ATP1B3: variants seen among roughly 807,000 people sequenced by gnomAD.
The protein encoded by ATP1B3 is sodium/potassium-transporting ATPase subunit beta-3.
A neutral mutation model predicts 30.2 loss-of-function variants in ATP1B3; 10 were observed. The observed-to-expected ratio is 0.33, with a 90% confidence interval of 0.20 to 0.56. The LOEUF (loss-of-function observed/expected upper bound fraction) is 0.56, where lower values mean the gene tolerates loss of function less well. Among genes scored for constraint, ATP1B3 ranks in the 20% least tolerant of loss-of-function variants. ATP1B3 has a pLI of 0.90. For missense variants in ATP1B3, 238 were observed against 336.7 expected (o/e 0.71, Z 2.29); for synonymous variants, 113 against 117.0 (o/e 0.97, Z 0.22).
chr3:141,899,746 G>A (rs1335986562), intron 1 of ATP1B3, among the ~76,000 whole-genome samples: 38 of 152,174 alleles, frequency 2.5e-4, no homozygotes, highest in Non-Finnish European at 5.9e-5. Context: ...ACACATGCCT[G>A]TAATCCCAGC....
intron 1 of ATP1B3, chr3:141,902,951 C>A (rs1012352908): frequency 4.6e-5 from 7 of 152,070 alleles, no homozygotes; most frequent in African/African-American, 1.7e-4. Context: ...CACAAATTTG[C>A]ATGTCATCCT....
At chr3:141,922,371 G>A (rs919733701) in intron 6 of ATP1B3, among the ~76,000 whole-genome samples, 4 of 152,304 alleles carry the variant, frequency 2.6e-5, no homozygotes, top group African/African-American at 7.2e-5. Flanking sequence ...AGAAAATCAA[G>A]GCCGGGTGCG....
chr3:141,902,142 A>C, intron 1 of ATP1B3: 5 of 1,289,690 alleles, frequency 3.9e-6, no homozygotes, highest in Non-Finnish European at 5.1e-6. Context: ...ACAGGATCGC[A>C]GTATGTGGTA....
chr3:141,907,338 G>C (rs552371378), intron 3 of ATP1B3, 64 bp downstream of exon 3: 46 of 1,370,970 alleles, frequency 3.4e-5, no homozygotes, highest in Admixed American at 9.5e-5. Flanking sequence ...CCAAATTGTG[G>C]GCCGGGCACG....
intron 6 of ATP1B3, among the ~76,000 whole-genome samples, chr3:141,924,967 A>G (rs1301745389): frequency 1.3e-5 from 2 of 151,844 alleles, no homozygotes; most frequent in Non-Finnish European, 2.9e-5. Flanking sequence ...AAAAATTAAT[A>G]ATAATAATGA....
intron 1 of ATP1B3, among the ~76,000 whole-genome samples, chr3:141,898,476 G>C (rs1184681489): frequency 6.6e-6 from 1 of 152,098 alleles, no homozygotes; most frequent in Non-Finnish European, 1.5e-5. Flanking sequence ...AAAATATACA[G>C]ATAACCAATG....
chr3:141,911,335 T>C (rs1198614089), intron 3 of ATP1B3, among the ~76,000 whole-genome samples: 1 of 152,172 alleles, frequency 6.6e-6, no homozygotes, highest in Non-Finnish European at 1.5e-5. Flanking sequence ...CCTTATGCCC[T>C]CCTTTTTCAT....
At chr3:141,925,333 T>C (rs4683650) in intron 6 of ATP1B3, among the ~76,000 whole-genome samples, 198 bp from the exon 7 acceptor site, 119,182 of 151,996 alleles carry the variant, frequency 0.78, 47,456 homozygotes, top group African/African-American at 0.94. Flanking sequence ...TGTGGCGGCA[T>C]GTGCCTATAG....
chr3:141,922,180 T>A (rs1934574899), intron 6 of ATP1B3, 117 bp downstream of exon 6: 1 of 601,760 alleles, frequency 1.7e-6, no homozygotes, highest in Non-Finnish European at 2.9e-6. Flanking sequence ...GTGCGTCATC[T>A]ATTCAGGTTT....
chr3:141,878,632 A>T (rs528152451), intron 1 of ATP1B3, among the ~76,000 whole-genome samples: 1 of 152,238 alleles, frequency 6.6e-6, no homozygotes, highest in Non-Finnish European at 1.5e-5. Flanking sequence ...GAGTCAATGC[A>T]TTTAAATAGA....
chr3:141,919,897 C>T (rs1934536750), intron 5 of ATP1B3, among the ~76,000 whole-genome samples: 1 of 151,998 alleles, frequency 6.6e-6, no homozygotes, highest in South Asian at 2.1e-4. Context: ...CATGATCGCG[C>T]CACTCCACTC....
At chr3:141,911,716 A>G (rs926371141) in intron 3 of ATP1B3, among the ~76,000 whole-genome samples, 5 of 152,132 alleles carry the variant, frequency 3.3e-5, no homozygotes, top group African/African-American at 1.2e-4. Flanking sequence ...GCTGGCCTCA[A>G]ACTCCTAGCC....
chr3:141,923,288 A>G (rs1934599134), intron 6 of ATP1B3, among the ~76,000 whole-genome samples: 2 of 152,152 alleles, frequency 1.3e-5, no homozygotes, highest in East Asian at 3.9e-4. Context: ...AAAAAAAAAA[A>G]AAATAGGTTA....
chr3:141,879,778 C>CA lies in ATP1B3; in HGVS notation c.109+2879dup, dbSNP rs199509329. 1.3e-3 allele frequency among the ~76,000 whole-genome samples: 77 copies of CA among 57,616 alleles called. 1 individual carries two copies. Among genetic ancestry groups the CA allele is most frequent in the African/African-American group, 4.1e-3 (46 of 11,122 alleles). The allele number at this position is 57,616 out of a possible 152,430, so 37.8% of individuals were successfully genotyped here. On this transcript the variant is annotated intron_variant, in intron 1 of 6. Transcript: ENST00000286371. ...TGGGCGACAAAGCAAGTCTCCATCT[C>CA]AAAAAAAAAAACCTTACAGTTTTTG...
At position 141,920,420 on chromosome 3, in the gene ATP1B3, A is replaced by T. The variant is rs527614915; in HGVS notation, c.583-1557A>T. On this transcript the variant is annotated intron_variant, in intron 5 of 6. Coordinates refer to ENST00000286371, the MANE Select transcript of ATP1B3 (RefSeq NM_001679.4). ...CGCACACTTGTAATCCCAGCTATTCAGGAGGCTGAGACAGGAGAATCGCTT... is the reference window on the plus strand; with the variant it reads ...CGCACACTTGTAATCCCAGCTATTCTGGAGGCTGAGACAGGAGAATCGCTT... Among the ~76,000 whole-genome samples, 13 of 152,118 alleles carry T rather than the reference A, an allele frequency of 8.5e-5. No individual in the cohort carries two copies. In the East Asian group the frequency reaches 2.3e-3, roughly 27 times the overall value.
chr3:141,910,217 C>T (rs1405830886), intron 3 of ATP1B3, among the ~76,000 whole-genome samples: 2 of 152,288 alleles, frequency 1.3e-5, no homozygotes, highest in South Asian at 2.1e-4. Flanking sequence ...AGTGATCCAC[C>T]TGCCTCCGCC....
chr3:141,923,277 CAAA>C (rs35588152), intron 6 of ATP1B3, among the ~76,000 whole-genome samples: 1 of 144,730 alleles, frequency 6.9e-6, no homozygotes, highest in Admixed American at 6.9e-5. Context: ...GACTCTATCT[CAAA>C]AAAAAAAAAA....
rs117493259 is a variant in ATP1B3, at chr3:141,894,017, A to G, written c.110-9603A>G. The stretch of plus-strand genomic sequence containing the variant: ...TAGCTGCAAACTTGTACAACATGTT[A>G]CTGGATGAATACTGTTAGCAATTGT... On this transcript the variant is annotated intron_variant, in intron 1 of 6. Coordinates refer to ENST00000286371, the MANE Select transcript of ATP1B3 (RefSeq NM_001679.4). 1.1e-3 allele frequency among the ~76,000 whole-genome samples: 165 copies of G among 152,340 alleles called. 4 individuals carry two copies. In the East Asian group the frequency reaches 0.027, roughly 25 times the overall value.
chr3:141,908,047 T>C (rs1057056201), intron 3 of ATP1B3, among the ~76,000 whole-genome samples: 1 of 147,456 alleles, frequency 6.8e-6, no homozygotes, highest in Non-Finnish European at 1.5e-5. Context: ...AGGAAGAATC[T>C]TTTTTTTTGT....
Sources: gnomAD v4.1 joint callset for allele counts (sites outside exome capture counted in the v4.1 genomes callset) on GRCh38, gnomAD v4.1.1 for gene constraint, MANE v1.5 for transcripts, NCBI Gene and HGNC (gene_info 2026-07-23, HGNC 2026-07-21) for gene names.